HOXA3: variants seen among roughly 807,000 people sequenced by gnomAD.
HOXA3 encodes the protein homeobox A3, also known as homeobox protein Hox-A3.
HOXA3 carries 8 observed loss-of-function variants against 30.3 expected under a neutral mutation model. The observed-to-expected ratio is 0.26, with a 90% CI of 0.15 to 0.48. The LOEUF (loss-of-function observed/expected upper bound fraction) is 0.48. Among genes scored for constraint, HOXA3 ranks in the 20% least tolerant of loss-of-function variants. The probability of loss-of-function intolerance (pLI) is 0.99; values close to 1 mark genes in which losing one functional copy is unlikely to be tolerated. For missense variants in HOXA3, 653 were observed against 614.4 expected (o/e 1.06, Z -0.66); for synonymous variants, 323 against 273.1 (o/e 1.18, Z -1.80).
At chr7:27,147,912 G>T (rs1022281668) in intron 1 of HOXA3, 3 of 670,224 alleles carry the variant, frequency 4.5e-6, no homozygotes, top group Non-Finnish European at 7.4e-6. Context: ...AGCGAACGCC[G>T]GAGCCCGCTC....
chr7:27,117,705 C>T (rs1213818926), intron 4 of HOXA3, among the ~76,000 whole-genome samples: 2 of 152,214 alleles, frequency 1.3e-5, no homozygotes, highest in Admixed American at 1.3e-4. Flanking sequence ...AATCCTCCAT[C>T]CCCTGCCTGA....
chr7:27,130,095 G>T (rs1237303767), intron 2 of HOXA3: 2 of 1,581,300 alleles, frequency 1.3e-6, no homozygotes, highest in Non-Finnish European at 1.7e-6. Context: ...CACCTCCCGC[G>T]CCTCCCAAGC....
chr7:27,129,405 G>C, intron 2 of HOXA3: 1 of 1,614,210 alleles, frequency 6.2e-7, no homozygotes, highest in Non-Finnish European at 8.5e-7. Context: ...TCTGAAACCA[G>C]ATCTTGACCT....
intron 2 of HOXA3, among the ~76,000 whole-genome samples, chr7:27,131,357 C>T (rs1373386915): frequency 6.6e-6 from 1 of 152,188 alleles, no homozygotes; most frequent in African/African-American, 2.4e-5. Flanking sequence ...ATCCCCCTTC[C>T]CCACACCCTG....
At chr7:27,130,021 G>A in intron 2 of HOXA3, 2 of 1,375,532 alleles carry the variant, frequency 1.5e-6, no homozygotes, top group South Asian at 1.2e-5. Context: ...CCCCTCCCGA[G>A]GCCCCCTTCC....
intron 1 of HOXA3, chr7:27,141,673 G>T: frequency 1.3e-6 from 1 of 791,228 alleles, no homozygotes; most frequent in Non-Finnish European, 2.0e-6. Context: ...TTATACAGGC[G>T]CTATAATGGC....
chr7:27,143,155 C>T, intron 1 of HOXA3: 1 of 1,609,714 alleles, frequency 6.2e-7, no homozygotes, highest in Non-Finnish European at 8.5e-7. Flanking sequence ...CAGGGGCGTC[C>T]TCCTCGGCTC....
At chr7:27,139,876 C>A (rs1782481365) in intron 2 of HOXA3, among the ~76,000 whole-genome samples, 2 of 152,164 alleles carry the variant, frequency 1.3e-5, no homozygotes, top group Admixed American at 6.5e-5. Context: ...CCTGGGGATG[C>A]GGCGCGGCCA....
intron 2 of HOXA3, among the ~76,000 whole-genome samples, chr7:27,130,965 C>A (rs1008933618): frequency 1.3e-5 from 2 of 151,988 alleles, no homozygotes; most frequent in Admixed American, 1.3e-4. Flanking sequence ...GTGCAGCGCC[C>A]CCACCAATGG....
rs1386561387 is a variant in HOXA3 at position 27,110,809 on chromosome 7, CT to C, written c.-120-50del. 519 of 940,552 alleles carry C rather than the reference CT, an allele frequency of 5.5e-4. 6 individuals carry two copies. In the African/African-American group the frequency reaches 7.8e-3, roughly 14 times the overall value. 58.3% of individuals were successfully genotyped at this position (940,552 alleles called of 1,614,324 possible). On this transcript the variant is annotated intron_variant, in intron 4 of 5. Coordinates refer to ENST00000612286, the MANE Select transcript of HOXA3 (RefSeq NM_153631.3). ...CGGTGAGGGCTCCGCGCAAATCCATCTTACTCTCAATAGCTAAGTGACATGA... is the reference window on the plus strand; with the variant it reads ...CGGTGAGGGCTCCGCGCAAATCCATCTACTCTCAATAGCTAAGTGACATGA...
chr7:27,143,052 T>G, intron 1 of HOXA3: 1 of 1,525,394 alleles, frequency 6.6e-7, no homozygotes, highest in Non-Finnish European at 8.8e-7. Flanking sequence ...TTACCATGAC[T>G]TATGTGCAGC....
chr7:27,129,562 C>T, intron 2 of HOXA3: 1 of 1,612,712 alleles, frequency 6.2e-7, no homozygotes, highest in Non-Finnish European at 8.5e-7. Context: ...TCCGTTATAA[C>T]TGGGGTTAAC....
In HOXA3 at chr7:27,108,457, G is replaced by A; in HGVS notation, c.790C>T (p.Pro264Ser). The change falls in exon 6 of 6, where the codon CCA (proline) becomes TCA (serine). Residue 264 changes from proline (P) to serine (S), a missense_variant. Physicochemically the swap from Pro to Ser is moderately conservative, Grantham distance 74 (BLOSUM62 -1). Around this residue, in one of 3 missense-constraint regions of HOXA3, gnomAD observed 330 missense variants for 274.4 expected, o/e 1.20. Coordinates refer to ENST00000612286, the MANE Select transcript of HOXA3 (RefSeq NM_153631.3). The surrounding 1 kb of genome is among the most constrained non-coding windows in gnomAD (Gnocchi z 5.0). The part of the protein sequence containing the change: ...GMLTSSGGQS[P>S]SRSPVPPGAG... ...CCGGGGGGCACGGGGCTGCGACTTG[G>A]AGACTGGCCCCCCGATGACGTTAGC... 6.2e-7 allele frequency: 1 copy of A among 1,614,078 alleles called. No individual in the cohort carries two copies. Among genetic ancestry groups the A allele is most frequent in the Non-Finnish European group, 8.5e-7 (1 of 1,179,954 alleles).
At chr7:27,141,260 A>G (rs1210510837) in intron 1 of HOXA3, 3 of 152,684 alleles carry the variant, frequency 2.0e-5, no homozygotes, top group South Asian at 2.1e-4. Flanking sequence ...AAAGGGTCCT[A>G]TAAAGGCACG....
intron 1 of HOXA3, chr7:27,147,060 G>A: frequency 1.8e-6 from 1 of 559,868 alleles, no homozygotes; most frequent in Non-Finnish European, 3.2e-6. Flanking sequence ...TCATATACGT[G>A]CCAGTGCCCC....
Position 27,107,754 on chromosome 7 carries a change from C to T in HOXA3, c.*161G>A. On this transcript the variant is annotated 3_prime_UTR_variant, in exon 6 of 6. Coordinates refer to ENST00000612286, the MANE Select transcript of HOXA3 (RefSeq NM_153631.3). ...CACATAAACTATAAAAACGCCTTACCAACGAGGGGGGAAACCGGGAAACGG... is the reference window on the plus strand; with the variant it reads ...CACATAAACTATAAAAACGCCTTACTAACGAGGGGGGAAACCGGGAAACGG... 1.9e-6 allele frequency: 1 copy of T among 519,558 alleles called. No homozygotes were observed. The highest frequency in any genetic ancestry group is 3.7e-5 in the Admixed American group (1 of 27,282). The allele number at this position is 519,558 out of a possible 1,614,324, so 32.2% of individuals were successfully genotyped here.
At chr7:27,139,722 C>T (rs1782466318) in intron 2 of HOXA3, among the ~76,000 whole-genome samples, 1 of 152,178 alleles carries the variant, frequency 6.6e-6, no homozygotes, top group Non-Finnish European at 1.5e-5. Context: ...CCGGCCGGCC[C>T]AGCAATTGCG....
chr7:27,130,339 G>T, intron 2 of HOXA3: 1 of 1,113,538 alleles, frequency 9.0e-7, no homozygotes. Flanking sequence ...GACGTGGCTC[G>T]CATGCAGGCC....
intron 1 of HOXA3, chr7:27,151,498 T>C (rs1782970747): frequency 2.3e-6 from 1 of 428,038 alleles, no homozygotes; most frequent in African/African-American, 2.0e-5. Flanking sequence ...CCACGCGCGC[T>C]AACAGCATTA....
Sources: allele counts gnomAD v4.1 joint callset (sites outside exome capture counted in the v4.1 genomes callset), GRCh38; gene constraint gnomAD v4.1.1; regional missense constraint gnomAD v4.1.1; non-coding constraint Gnocchi (gnomAD v3.1); transcripts MANE v1.5; gene names NCBI Gene and HGNC (gene_info 2026-07-23, HGNC 2026-07-21).